Variants in FOXK1 observed in about 807,000 individuals in gnomAD.
FOXK1 encodes forkhead box K1, also known as forkhead box protein K1.
In FOXK1, 19 loss-of-function variants were observed where a neutral mutation model predicts 51.9. The ratio of observed to expected loss-of-function variants is 0.37; its 90% CI spans 0.26 to 0.54. FOXK1 has a LOEUF of 0.54. FOXK1 is among the 20% of genes least tolerant of loss of function. The probability of loss-of-function intolerance (pLI) is 0.87; values close to 1 mark genes in which losing one functional copy is unlikely to be tolerated. For missense variants in FOXK1, 870 were observed against 1,032.7 expected, an observed-to-expected ratio of 0.84 and a Z score of 2.16; for synonymous variants, 537 against 482.6, an observed-to-expected ratio of 1.11 and a Z score of -1.48.
chr7:4,692,811 T>C (rs536341635), intron 1 of FOXK1, among the ~76,000 whole-genome samples: 27 of 150,534 alleles, frequency 1.8e-4, no homozygotes, highest in African/African-American at 6.3e-4. Flanking sequence ...ACTGCAGCCT[T>C]GACCTCCTGG....
In FOXK1 at chr7:4,722,703, C is replaced by T. The variant is rs1780330602; in HGVS notation, c.561-18135C>T. Among the ~76,000 whole-genome samples the T allele has an allele frequency of 6.6e-6, 1 of 152,242 alleles. No homozygotes were observed. Among genetic ancestry groups the T allele is most frequent in the Non-Finnish European group, 1.5e-5 (1 of 68,046 alleles). ...AAACGAGGAAGTCGTAGGAGACCCA[C>T]CTCAGATGCTCGGGTGCACATCTGG... On this transcript the variant is annotated intron_variant, in intron 1 of 8. Transcript: ENST00000328914. The surrounding 1 kb of genome is among the most constrained non-coding windows in gnomAD (Gnocchi z 5.1).
chr7:4,686,447 C>T (rs1779820153), intron 1 of FOXK1, among the ~76,000 whole-genome samples: 1 of 152,162 alleles, frequency 6.6e-6, no homozygotes, highest in African/African-American at 2.4e-5. Flanking sequence ...AAAAAAAAGA[C>T]TTGTGACCCA....
rs1450486907 is a variant in FOXK1 at position 4,762,422 on chromosome 7, G to A, written c.2160G>A (p.Val720=). The A allele has an allele frequency of 6.5e-7, 1 of 1,548,378 alleles. No individual in the cohort carries two copies. The highest frequency in any genetic ancestry group is 8.7e-7 in the Non-Finnish European group (1 of 1,146,458). The change falls in exon 9 of 9, where the codon GTG becomes GTA. Residue 720 remains valine, a synonymous_variant. Coordinates refer to ENST00000328914, the MANE Select transcript of FOXK1 (RefSeq NM_001037165.2). The surrounding 1 kb of genome is among the most constrained non-coding windows in gnomAD (Gnocchi z 5.7). ...PSGAVTTPAG[V]IAAAGPQGPG... Reference sequence around the variant, plus strand: ...GTGCTGTAACCACACCGGCTGGAGTGATCGCAGCTGCCGGCCCCCAGGGGC... The same window carrying A: ...GTGCTGTAACCACACCGGCTGGAGTAATCGCAGCTGCCGGCCCCCAGGGGC...
intron 5 of FOXK1, 32 bp downstream of exon 5, chr7:4,757,219 G>T: frequency 3.2e-6 from 5 of 1,553,558 alleles, no homozygotes; most frequent in Non-Finnish European, 4.4e-6. Context: ...TCCTCCAGCT[G>T]TTAGGAAAGC....
chr7:4,716,860 T>C (rs1208758608), intron 1 of FOXK1, among the ~76,000 whole-genome samples: 1 of 152,274 alleles, frequency 6.6e-6, no homozygotes, highest in Non-Finnish European at 1.5e-5. Flanking sequence ...GATTTTTCTT[T>C]ATCTTAATAG....
intron 1 of FOXK1, among the ~76,000 whole-genome samples, chr7:4,737,188 T>C (rs954028941): frequency 2.0e-5 from 3 of 152,240 alleles, no homozygotes; most frequent in African/African-American, 7.2e-5. Context: ...TTCTTTCTAC[T>C]TGGCCTTGAT....
At position 4,730,147 on chromosome 7, in the gene FOXK1, C is replaced by T. The variant is rs1393332377; in HGVS notation, c.561-10691C>T. Among the ~76,000 whole-genome samples, 1 of 152,156 alleles carries T rather than the reference C, an allele frequency of 6.6e-6. No individual in the cohort carries two copies. The highest frequency in any genetic ancestry group is 2.4e-5 in the African/African-American group (1 of 41,430). On this transcript the variant is annotated intron_variant, in intron 1 of 8. Coordinates refer to ENST00000328914, the MANE Select transcript of FOXK1 (RefSeq NM_001037165.2). The surrounding 1 kb of genome is among the most constrained non-coding windows in gnomAD (Gnocchi z 4.7). ...TAGGACATGCTTATTTGCCTGATTA[C>T]AAAAATAGATGCATTCTCCCTATTT...
rs762075131 is a variant in FOXK1 at position 4,757,185 on chromosome 7, A to G, written c.1242A>G (p.Ser414=). Residue 414 remains serine (S), a splice_region_variant and synonymous_variant, in exon 5 of 9, where the codon TCA becomes TCG. Transcript: ENST00000328914. ...GCACCCCCTTCGGGCCTCTGTCCTCAAGGTAAAGTTCTCTGAGCGCCCGTC... is the reference window on the plus strand; with the variant it reads ...GCACCCCCTTCGGGCCTCTGTCCTCGAGGTAAAGTTCTCTGAGCGCCCGTC... ...CFRTPFGPLS[S]RSAPASPTHP... 7 of 1,596,254 alleles carry G rather than the reference A, an allele frequency of 4.4e-6. No individual in the cohort carries two copies. In the African/African-American group the frequency reaches 8.1e-5, roughly 18 times the overall value.
intron 1 of FOXK1, among the ~76,000 whole-genome samples, chr7:4,689,089 T>C (rs1294975068): frequency 6.6e-6 from 1 of 152,030 alleles, no homozygotes; most frequent in Non-Finnish European, 1.5e-5. Flanking sequence ...GCAATTCTCC[T>C]GCCTCAGCCT....
rs2115083920 is a variant in FOXK1, at chr7:4,768,331, A to AT, written c.*5867_*5868insT. On this transcript the variant is annotated 3_prime_UTR_variant, in exon 9 of 9. Transcript: ENST00000328914. ...GTATTTTTAGTAGAGACGGGGTTTCACCGTGTTAGCCAGGATGGTCTCGAT... is the reference window on the plus strand; with the variant it reads ...GTATTTTTAGTAGAGACGGGGTTTCATCCGTGTTAGCCAGGATGGTCTCGAT... 1 of 139,460 alleles carries AT rather than the reference A, an allele frequency of 7.2e-6. No homozygotes were observed. The highest frequency in any genetic ancestry group is 6.8e-5 in the Admixed American group (1 of 14,710). The allele number at this position is 139,460 out of a possible 1,614,324, so 8.6% of individuals were successfully genotyped here.
rs1475048316 is a variant in FOXK1 at position 4,767,250 on chromosome 7, C to T, written c.*4786C>T. ...GTCACCGGCATGCCGCCTCACGTTGCAGGACGGAATCGCGCGCTCCTCACG... is the reference window on the plus strand; with the variant it reads ...GTCACCGGCATGCCGCCTCACGTTGTAGGACGGAATCGCGCGCTCCTCACG... On this transcript the variant is annotated 3_prime_UTR_variant, in exon 9 of 9. Coordinates refer to ENST00000328914, the MANE Select transcript of FOXK1 (RefSeq NM_001037165.2). This position sits in a 1 kb window ranked among gnomAD's most constrained non-coding sequence, Gnocchi z 6.6. The T allele has an allele frequency of 1.3e-5, 2 of 152,414 alleles. No homozygotes were observed. The highest frequency in any genetic ancestry group is 3.4e-3 in the Middle Eastern group (1 of 296). The allele number at this position is 152,414 out of a possible 1,614,324, so 9.4% of individuals were successfully genotyped here. A position where few individuals can be genotyped will look rare whatever the true frequency, so the allele number is the denominator to read the frequency against.
chr7:4,759,933 A>G, intron 7 of FOXK1: 1 of 352,676 alleles, frequency 2.8e-6, no homozygotes, highest in African/African-American at 2.1e-5. Flanking sequence ...CAGGAGGCTG[A>G]GGGAGGAGAA....
chr7:4,727,460 C>T (rs1320796111), intron 1 of FOXK1, among the ~76,000 whole-genome samples: 1 of 152,162 alleles, frequency 6.6e-6, no homozygotes, highest in African/African-American at 2.4e-5. Flanking sequence ...GGATTACAGG[C>T]ATGCAGCACC....
Position 4,729,927 on chromosome 7 carries a change from T to C in FOXK1, c.561-10911T>C, listed in dbSNP as rs1780428428. Among the ~76,000 whole-genome samples, 2 of 152,000 alleles carry C rather than the reference T, an allele frequency of 1.3e-5. No individual in the cohort carries two copies. The highest frequency in any genetic ancestry group is 2.1e-4 in the South Asian group (1 of 4,814). On this transcript the variant is annotated intron_variant, in intron 1 of 8. Coordinates refer to ENST00000328914, the MANE Select transcript of FOXK1 (RefSeq NM_001037165.2). The surrounding 1 kb of genome is among the most constrained non-coding windows in gnomAD (Gnocchi z 6.2). ...ATCGCTTGAACCCGGAAGGTGGAGT[T>C]TGCAGTGAGCTGAGATCCAGCCACT...
At chr7:4,712,203 G>T (rs965691872) in intron 1 of FOXK1, among the ~76,000 whole-genome samples, 1 of 152,066 alleles carries the variant, frequency 6.6e-6, no homozygotes, top group African/African-American at 2.4e-5. Context: ...GGGGTGAGAC[G>T]TTCGACGTGT....
At chr7:4,737,577 T>C (rs1260353409) in intron 1 of FOXK1, among the ~76,000 whole-genome samples, 1 of 151,776 alleles carries the variant, frequency 6.6e-6, no homozygotes, top group African/African-American at 2.4e-5. Context: ...TGTGTGTGCA[T>C]GCATGTGTTG....
chr7:4,762,988 T>C lies in FOXK1; in HGVS notation c.*524T>C, dbSNP rs988262661. On this transcript the variant is annotated 3_prime_UTR_variant, in exon 9 of 9. Transcript: ENST00000328914. This position sits in a 1 kb window ranked among gnomAD's most constrained non-coding sequence, Gnocchi z 5.7. Reference sequence around the variant, plus strand: ...TCCGCCCGGAACGTGACATAGAGAGTGTTGGCATTAACTCGGGGGGTGTCC... The same window carrying C: ...TCCGCCCGGAACGTGACATAGAGAGCGTTGGCATTAACTCGGGGGGTGTCC... The C allele has an allele frequency of 1.9e-4, 30 of 156,490 alleles. No homozygotes were observed. The highest frequency in any genetic ancestry group is 1.8e-3 in the Admixed American group (29 of 16,310). 9.7% of individuals were successfully genotyped at this position (156,490 alleles called of 1,614,324 possible).
At chr7:4,720,632 G>A (rs1162776744) in intron 1 of FOXK1, among the ~76,000 whole-genome samples, 2 of 152,130 alleles carry the variant, frequency 1.3e-5, no homozygotes, top group Non-Finnish European at 2.9e-5. Flanking sequence ...CATCTCTCCC[G>A]AGCAGGCAGA....
chr7:4,713,701 A>G (rs1205875126), intron 1 of FOXK1, among the ~76,000 whole-genome samples: 1 of 152,034 alleles, frequency 6.6e-6, no homozygotes, highest in Admixed American at 6.5e-5. Context: ...TGTGTTGGTC[A>G]GGCTGGTCTC....
Sources: gnomAD v4.1 joint callset for allele counts (sites outside exome capture counted in the v4.1 genomes callset) on GRCh38, gnomAD v4.1.1 for gene constraint, Gnocchi (gnomAD v3.1) non-coding constraint, MANE v1.5 for transcripts, NCBI Gene and HGNC (gene_info 2026-07-23, HGNC 2026-07-21) for gene names.